The following KPNA4 variants were observed in gnomAD, a reference collection of about 807,000 sequenced individuals.
KPNA4 encodes importin subunit alpha-3.
Under a neutral mutation model 71.3 loss-of-function variants are expected in KPNA4, and 13 were observed. The observed-to-expected ratio is 0.18, with a 90% CI of 0.12 to 0.29. KPNA4 has a LOEUF of 0.29. Ranked by LOEUF, KPNA4 falls within the 10% of genes least tolerant of loss-of-function variation. KPNA4 has a pLI of 1.00. For missense variants in KPNA4, 334 were observed against 603.2 expected, an observed-to-expected ratio of 0.55 and a Z score of 4.67; for synonymous variants, 189 against 195.2, an observed-to-expected ratio of 0.97 and a Z score of 0.26.
chr3:160,524,911 A>G (rs1721431126), intron 10 of KPNA4, among the ~76,000 whole-genome samples: 1 of 152,246 alleles, frequency 6.6e-6, no homozygotes, highest in South Asian at 2.1e-4. Flanking sequence ...TTTAAATTGT[A>G]AAGAAATGAA....
rs552835008 is a variant in KPNA4, at chr3:160,508,142, G to A, written c.1337C>T (p.Ala446Val). 2 of 1,607,588 alleles carry A rather than the reference G, an allele frequency of 1.2e-6. No individual in the cohort carries two copies. The highest frequency in any genetic ancestry group is 1.7e-4 in the Middle Eastern group (1 of 6,046). ...SNILKMAEDEAETIGNLIEEC... is the reference protein window; with the variant it reads ...SNILKMAEDEVETIGNLIEEC... Reference sequence around the variant, plus strand: ...TTCTATAAGATTGCCTATGGTTTCTGCCTCATCTTCAGCCATTTTTAATAT... The same window carrying A: ...TTCTATAAGATTGCCTATGGTTTCTACCTCATCTTCAGCCATTTTTAATAT... Residue 446 changes from alanine to valine, a missense_variant, in exon 15 of 17, where the codon GCA (alanine) becomes GTA (valine). Ala to Val is a moderately conservative substitution (Grantham distance 64). Transcript: ENST00000334256.
chr3:160,562,575 A>T (rs1437698342), intron 1 of KPNA4, among the ~76,000 whole-genome samples: 1 of 152,204 alleles, frequency 6.6e-6, no homozygotes, highest in Middle Eastern at 3.2e-3. Context: ...CACAAAGTAG[A>T]CCACTGTACT....
chr3:160,539,943 T>G (rs759177820), intron 1 of KPNA4, among the ~76,000 whole-genome samples: 17 of 152,050 alleles, frequency 1.1e-4, no homozygotes, highest in Non-Finnish European at 1.8e-4. Context: ...TCTCCCATTA[T>G]ATTACATCTC....
intron 5 of KPNA4, among the ~76,000 whole-genome samples, chr3:160,534,331 T>C (rs1440007159): frequency 1.3e-5 from 2 of 152,174 alleles, no homozygotes; most frequent in East Asian, 3.9e-4. Context: ...GATACAACCA[T>C]GTCTTCCCCA....
chr3:160,516,456 A>C (rs1342940298), intron 11 of KPNA4, among the ~76,000 whole-genome samples: 1 of 150,928 alleles, frequency 6.6e-6, no homozygotes, highest in Admixed American at 6.6e-5. Context: ...AAAAAAAAAG[A>C]CAGAACTTTA....
chr3:160,552,814 TAAAAG>T (rs1722068090), intron 1 of KPNA4, among the ~76,000 whole-genome samples: 1 of 152,028 alleles, frequency 6.6e-6, no homozygotes, highest in South Asian at 2.1e-4. Context: ...TTAGTGGAAT[TAAAAG>T]AAGATAAATG....
In KPNA4 at chr3:160,498,520, G is replaced by T. The variant is rs1427343981; in HGVS notation, c.*3584C>A. ...GGTGAAGGGATTTTGCAGGGGTAAT[G>T]AAGGTACCTCATCAGTTTGGCTTTG... On this transcript the variant is annotated 3_prime_UTR_variant, in exon 17 of 17. Transcript: ENST00000334256. 1.3e-5 allele frequency: 2 copies of T among 152,264 alleles called. No individual in the cohort carries two copies. Among genetic ancestry groups the T allele is most frequent in the Non-Finnish European group, 2.9e-5 (2 of 68,084 alleles). The allele number at this position is 152,264 out of a possible 1,614,324, so 9.4% of individuals were successfully genotyped here.
At chr3:160,548,535 T>C (rs1315427480) in intron 1 of KPNA4, among the ~76,000 whole-genome samples, 1 of 152,174 alleles carries the variant, frequency 6.6e-6, no homozygotes, top group Non-Finnish European at 1.5e-5. Context: ...GTACCTTGTA[T>C]AAGTGGAATT....
chr3:160,507,802 C>T (rs1241907227), intron 15 of KPNA4, among the ~76,000 whole-genome samples: 1 of 152,166 alleles, frequency 6.6e-6, no homozygotes, highest in Non-Finnish European at 1.5e-5. Context: ...GGGTAATTAG[C>T]ACATTAAATC....
chr3:160,523,783 A>G (rs1721406599), intron 10 of KPNA4, among the ~76,000 whole-genome samples: 3 of 152,132 alleles, frequency 2.0e-5, no homozygotes, highest in Non-Finnish European at 4.4e-5. Context: ...CCCAGGAGGC[A>G]GAGGTTGCAG....
At chr3:160,549,511 A>C (rs1004698581) in intron 1 of KPNA4, among the ~76,000 whole-genome samples, 1 of 152,176 alleles carries the variant, frequency 6.6e-6, no homozygotes, top group Non-Finnish European at 1.5e-5. Context: ...TTTTCCCAGC[A>C]CCGTTTGTTA....
At chr3:160,535,063 A>T (rs1413948719) in intron 5 of KPNA4, among the ~76,000 whole-genome samples, 1 of 152,112 alleles carries the variant, frequency 6.6e-6, no homozygotes, top group East Asian at 1.9e-4. Flanking sequence ...ATGTACACTG[A>T]CATAGTAACA....
intron 16 of KPNA4, among the ~76,000 whole-genome samples, chr3:160,502,723 G>A (rs1396700155): frequency 1.3e-5 from 2 of 152,048 alleles, no homozygotes; most frequent in Non-Finnish European, 2.9e-5. Flanking sequence ...TATGTAAGAC[G>A]GGCATTTTCC....
rs149412550 is a variant in KPNA4 at position 160,518,422 on chromosome 3, A to T, written c.904-2842T>A. On this transcript the variant is annotated intron_variant, in intron 11 of 16. Coordinates refer to ENST00000334256, the MANE Select transcript of KPNA4 (RefSeq NM_002268.5). ...AGTGCTGGGATTACAGGCGTGAGCCACCGCGCCCGGCCTATTCTGAGTTTT... is the reference window on the plus strand; with the variant it reads ...AGTGCTGGGATTACAGGCGTGAGCCTCCGCGCCCGGCCTATTCTGAGTTTT... 2.7e-5 allele frequency among the ~76,000 whole-genome samples: 4 copies of T among 149,524 alleles called. No individual in the cohort carries two copies. In the East Asian group the frequency reaches 8.2e-4, roughly 30 times the overall value.
chr3:160,506,405 G>A (rs552311725), intron 15 of KPNA4, among the ~76,000 whole-genome samples: 1 of 152,238 alleles, frequency 6.6e-6, no homozygotes, highest in Admixed American at 6.5e-5. Context: ...TCTGGCCTCA[G>A]GTGATCTGCC....
At chr3:160,521,587 T>C (rs1721350167) in intron 11 of KPNA4, among the ~76,000 whole-genome samples, 192 bp downstream of exon 11, 1 of 152,146 alleles carries the variant, frequency 6.6e-6, no homozygotes. Context: ...TGGGTGACAG[T>C]GAGACCCCAT....
chr3:160,515,502 G>A lies in KPNA4; in HGVS notation c.982C>T (p.Leu328Phe). The A allele has an allele frequency of 6.2e-7, 1 of 1,613,790 alleles. No individual in the cohort carries two copies. Among genetic ancestry groups the A allele is most frequent in the Non-Finnish European group, 8.5e-7 (1 of 1,179,764 alleles). ...QTQVVLNCDA[L>F]SHFPALLTHP... ...GTCAGGAGTGCTGGGAAGTGTGAAA[G>A]AGCATCACAGTTCAAAACTACTTGT... The change falls in exon 12 of 17, where the codon CTT becomes TTT. Residue 328 changes from leucine (L) to phenylalanine (F), a missense_variant. Transcript: ENST00000334256.
Position 160,509,799 on chromosome 3 carries a change from CT to C in KPNA4, c.1209del (p.Val404TrpfsTer17). ...SNLTISGRKDQVAYLIQQNVI... is the reference protein window; with the variant it reads ...SNLTISGRKDXVAYLIQQNVI... Reference sequence around the variant, plus strand: ...AATAAATTTTAAAAAGCTCAACTTACTTGATCTTTCCTTCCACTAATTGTTA... The same window carrying C: ...AATAAATTTTAAAAAGCTCAACTTACTGATCTTTCCTTCCACTAATTGTTA... On this transcript the variant is annotated frameshift_variant and splice_region_variant, in exon 14 of 17. Transcript: ENST00000334256. LOFTEE classifies it high-confidence loss of function. 1 of 1,583,262 alleles carries C rather than the reference CT, an allele frequency of 6.3e-7. No individual in the cohort carries two copies. The highest frequency in any genetic ancestry group is 8.7e-7 in the Non-Finnish European group (1 of 1,152,576).
intron 1 of KPNA4, among the ~76,000 whole-genome samples, chr3:160,552,660 T>C (rs988295698): frequency 2.6e-5 from 4 of 151,956 alleles, no homozygotes; most frequent in Non-Finnish European, 5.9e-5. Flanking sequence ...CCTCTGTGAG[T>C]AAATGACTTT....
Sources: allele counts gnomAD v4.1 joint callset (sites outside exome capture counted in the v4.1 genomes callset), GRCh38; gene constraint gnomAD v4.1.1; transcripts MANE v1.5; gene names NCBI Gene and HGNC (gene_info 2026-07-23, HGNC 2026-07-21).